The following TMEM117 variants were observed in gnomAD, a reference collection of about 807,000 sequenced individuals.
The protein encoded by TMEM117 is transmembrane protein 117.
A neutral mutation model predicts 52.4 loss-of-function variants in TMEM117; 27 were observed. The ratio of observed to expected loss-of-function variants is 0.51; its 90% CI spans 0.38 to 0.71. The LOEUF is 0.71. Among genes scored for constraint, TMEM117 ranks in the 30% least tolerant of loss-of-function variants. The probability of loss-of-function intolerance (pLI) is 0.00; values close to 1 mark genes in which losing one functional copy is unlikely to be tolerated. For synonymous variants in TMEM117, 215 were observed against 206.3 expected (o/e 1.04, Z -0.36); for missense variants, 556 against 630.5 (o/e 0.88, Z 1.26).
intron 4 of TMEM117, among the ~76,000 whole-genome samples, chr12:44,164,154 A>C (rs964474173): frequency 6.6e-6 from 1 of 152,186 alleles, no homozygotes; most frequent in African/African-American, 2.4e-5. Context: ...GTTGAGACAT[A>C]AGCCAAAGTC....
At chr12:44,194,253 A>T (rs1379874127) in intron 4 of TMEM117, among the ~76,000 whole-genome samples, 1 of 152,214 alleles carries the variant, frequency 6.6e-6, no homozygotes, top group Non-Finnish European at 1.5e-5. Flanking sequence ...AACAGCTACC[A>T]TAGTGATTTC....
chr12:43,936,441 T>A (rs1944953137), intron 2 of TMEM117, among the ~76,000 whole-genome samples: 1 of 152,108 alleles, frequency 6.6e-6, no homozygotes, highest in Non-Finnish European at 1.5e-5. Flanking sequence ...AAGACTATAG[T>A]GGGCAGCTGA....
intron 3 of TMEM117, among the ~76,000 whole-genome samples, chr12:44,128,484 C>T (rs1948363190): frequency 6.6e-6 from 1 of 152,204 alleles, no homozygotes. Flanking sequence ...AGCACAGTTC[C>T]TGGCATCCAG....
In TMEM117 at chr12:43,955,817, G is replaced by T. The variant is rs537637244; in HGVS notation, c.410+11475G>T. Among the ~76,000 whole-genome samples, 7 of 152,252 alleles carry T rather than the reference G, an allele frequency of 4.6e-5. No homozygotes were observed. The South Asian group carries it at 1.4e-3, about 32-fold the overall frequency. The stretch of plus-strand genomic sequence containing the variant: ...AAAATTCATATGGAACCAAAAAAGA[G>T]CTCGCATAGCTAAAGTGACAGTTGT... On this transcript the variant is annotated intron_variant, in intron 3 of 7. Coordinates refer to ENST00000266534, the MANE Select transcript of TMEM117 (RefSeq NM_032256.3).
chr12:44,258,525 G>C (rs569260650), intron 5 of TMEM117, among the ~76,000 whole-genome samples: 1 of 152,100 alleles, frequency 6.6e-6, no homozygotes, highest in South Asian at 2.1e-4. Flanking sequence ...AGAGTGTTTT[G>C]ACATTTCTGT....
chr12:43,916,465 C>T (rs7969641), intron 2 of TMEM117, among the ~76,000 whole-genome samples: 21,766 of 152,068 alleles, frequency 0.14, 2,349 homozygotes, highest in African/African-American at 0.3. Flanking sequence ...AATGATTCTA[C>T]CCCATCTAGA....
chr12:44,395,357 C>T, the TMEM117 span, among the ~76,000 whole-genome samples: 2 of 152,174 alleles, frequency 1.3e-5, no homozygotes, highest in African/African-American at 4.8e-5. Flanking sequence ...ATTATCACTA[C>T]TGCCATGCTG....
At chr12:44,068,976 T>G (rs914478429) in intron 3 of TMEM117, among the ~76,000 whole-genome samples, 4 of 152,150 alleles carry the variant, frequency 2.6e-5, no homozygotes, top group African/African-American at 9.7e-5. Flanking sequence ...GTTAATTATT[T>G]TTTCCTGGGT....
intron 5 of TMEM117, among the ~76,000 whole-genome samples, chr12:44,223,638 G>GCTGCTCAC (rs1949820097): frequency 6.6e-6 from 1 of 152,228 alleles, no homozygotes; most frequent in East Asian, 1.9e-4. Flanking sequence ...CTAAGAATAG[G>GCTGCTCAC]CTGCTCACAT....
chr12:44,075,680 G>A (rs1439316151), intron 3 of TMEM117, among the ~76,000 whole-genome samples: 1 of 152,164 alleles, frequency 6.6e-6, no homozygotes, highest in Non-Finnish European at 1.5e-5. Flanking sequence ...AAAAAGGAAG[G>A]TTGAACTTGG....
At chr12:44,147,833 G>C (rs1948666106) in intron 4 of TMEM117, among the ~76,000 whole-genome samples, 1 of 151,848 alleles carries the variant, frequency 6.6e-6, no homozygotes, top group African/African-American at 2.4e-5. Flanking sequence ...TCAGGAGGCT[G>C]AGGCAGCAGA....
chr12:44,185,154 C>A (rs1949260007), intron 4 of TMEM117, among the ~76,000 whole-genome samples: 1 of 152,152 alleles, frequency 6.6e-6, no homozygotes, highest in African/African-American at 2.4e-5. Flanking sequence ...TCTGTATTCC[C>A]CTTCAGCCTT....
At chr12:43,855,467 A>G (rs1186089905) in intron 2 of TMEM117, among the ~76,000 whole-genome samples, 1 of 152,210 alleles carries the variant, frequency 6.6e-6, no homozygotes, top group African/African-American at 2.4e-5. Context: ...AAAATGCTGT[A>G]GTTAAAAAAA....
In TMEM117 at chr12:44,269,309, C is replaced by T. The variant is rs1211016574; in HGVS notation, c.609-30271C>T. Among the ~76,000 whole-genome samples the T allele has an allele frequency of 2.0e-5, 3 of 152,080 alleles. 1 individual carries two copies. The highest frequency in any genetic ancestry group is 4.1e-4 in the South Asian group (2 of 4,824). ...CAATCCACACTCCTTAATGACTACA[C>T]AACCCTTCTTGTAATTGACTCCTTT... is the stretch of plus-strand genomic sequence containing the variant. On this transcript the variant is annotated intron_variant, in intron 5 of 7. Transcript: ENST00000266534.
intron 5 of TMEM117, among the ~76,000 whole-genome samples, chr12:44,283,846 C>G (rs1335476725): frequency 6.6e-6 from 1 of 152,078 alleles, no homozygotes; most frequent in East Asian, 1.9e-4. Flanking sequence ...AATTGTAGCT[C>G]CTAGAATTCC....
chr12:44,052,906 GCAGAAAA>G (rs961114661), intron 3 of TMEM117, among the ~76,000 whole-genome samples: 17 of 152,188 alleles, frequency 1.1e-4, no homozygotes, highest in African/African-American at 3.1e-4. Flanking sequence ...GGCATGAGGT[GCAGAAAA>G]TTACTCCCTG....
intron 5 of TMEM117, among the ~76,000 whole-genome samples, chr12:44,249,520 G>T (rs1359121614): frequency 6.6e-6 from 1 of 152,126 alleles, no homozygotes; most frequent in African/African-American, 2.4e-5. Context: ...CCAAAAAAGA[G>T]CCTGTGTAGC....
At chr12:43,881,099 G>C (rs1427714771) in intron 2 of TMEM117, among the ~76,000 whole-genome samples, 1 of 152,126 alleles carries the variant, frequency 6.6e-6, no homozygotes, top group African/African-American at 2.4e-5. Context: ...ACTATTCACT[G>C]TTCATCTTAT....
chr12:44,138,816 T>C (rs1948529129), intron 3 of TMEM117, among the ~76,000 whole-genome samples: 1 of 152,142 alleles, frequency 6.6e-6, no homozygotes, highest in South Asian at 2.1e-4. Context: ...TTTGAGCAAA[T>C]ATACTAAAAT....
Sources: gnomAD v4.1 joint callset for allele counts (sites outside exome capture counted in the v4.1 genomes callset) on GRCh38, gnomAD v4.1.1 for gene constraint, MANE v1.5 for transcripts, NCBI Gene and HGNC (gene_info 2026-07-23, HGNC 2026-07-21) for gene names.